Variants in SGCD observed in about 807,000 individuals in gnomAD.
The protein encoded by SGCD is delta-sarcoglycan.
Under a neutral mutation model 36.6 loss-of-function variants are expected in SGCD, and 18 were observed. The ratio of observed to expected loss-of-function variants is 0.49; its 90% confidence interval spans 0.34 to 0.73. The LOEUF (loss-of-function observed/expected upper bound fraction) is 0.73. Among genes scored for constraint, SGCD ranks in the 30% least tolerant of loss-of-function variants. The probability of loss-of-function intolerance (pLI) is 0.01; values close to 1 mark genes in which losing one functional copy is unlikely to be tolerated. For synonymous variants in SGCD, 133 were observed against 130.6 expected (o/e 1.02, Z -0.12); for missense variants, 387 against 346.7 (o/e 1.12, Z -0.92).
intron 7 of SGCD, among the ~76,000 whole-genome samples, chr5:156,653,493 C>CTTTTTTTTTTTT (rs111458843): frequency 0.039 from 1,839 of 47,746 alleles, 447 homozygotes; most frequent in East Asian, 0.13. Context: ...CTAAAGCTTG[C>CTTTTTTTTTTTT]TTTTTTTTTT....
intron 1 of SGCD, among the ~76,000 whole-genome samples, chr5:156,012,154 A>G (rs1758871978): frequency 6.6e-6 from 1 of 152,238 alleles, no homozygotes; most frequent in Admixed American, 6.5e-5. Flanking sequence ...ATGGATCTCT[A>G]AATGTCATAT....
chr5:156,639,038 TATC>T (rs71822411), intron 6 of SGCD, among the ~76,000 whole-genome samples: 4,131 of 152,022 alleles, frequency 0.027, 174 homozygotes, highest in African/African-American at 0.094. Context: ...CACTATCTTT[TATC>T]ATAATAAAAT....
At chr5:155,742,892 G>T in the SGCD span, among the ~76,000 whole-genome samples, 1 of 152,144 alleles carries the variant, frequency 6.6e-6, no homozygotes, top group Admixed American at 6.5e-5. Context: ...TGCTAAAGAG[G>T]CTCACAGAAC....
intron 3 of SGCD, among the ~76,000 whole-genome samples, chr5:156,436,096 C>T (rs183020300): frequency 5.3e-5 from 8 of 152,278 alleles, no homozygotes; most frequent in Admixed American, 2.6e-4. Flanking sequence ...CCTGTTTGTT[C>T]ACCTGTCACT....
intron 3 of SGCD, among the ~76,000 whole-genome samples, chr5:156,352,783 G>A (rs575583283): frequency 1.3e-5 from 2 of 152,260 alleles, no homozygotes; most frequent in South Asian, 4.1e-4. Flanking sequence ...TGACAGAGGA[G>A]GAAGTGGAGG....
chr5:155,797,315 A>G, the SGCD span, among the ~76,000 whole-genome samples: 2 of 152,336 alleles, frequency 1.3e-5, no homozygotes, highest in East Asian at 1.9e-4. Context: ...GGCTAGTGGA[A>G]TACTCTCTAT....
chr5:156,472,632 G>C (rs185611889), intron 3 of SGCD, among the ~76,000 whole-genome samples: 444 of 152,188 alleles, frequency 2.9e-3, no homozygotes, highest in African/African-American at 0.01. Flanking sequence ...TGACCAGGCT[G>C]GTCTCGAACT....
intron 3 of SGCD, among the ~76,000 whole-genome samples, chr5:156,479,285 G>A (rs899493703): frequency 6.6e-6 from 1 of 151,820 alleles, no homozygotes. Flanking sequence ...TAGTAGAGAC[G>A]GGGTTTCAAC....
At chr5:156,045,867 A>G (rs1463429675) in intron 1 of SGCD, among the ~76,000 whole-genome samples, 1 of 152,128 alleles carries the variant, frequency 6.6e-6, no homozygotes, top group Non-Finnish European at 1.5e-5. Flanking sequence ...CCACAGTGGG[A>G]GTTAGGGCAT....
At chr5:155,770,595 C>A in the SGCD span, among the ~76,000 whole-genome samples, 1 of 152,072 alleles carries the variant, frequency 6.6e-6, no homozygotes, top group African/African-American at 2.4e-5. Flanking sequence ...ATTCTGAGGG[C>A]AGTGGCGTGC....
At chr5:156,647,734 G>A (rs1283348242) in intron 7 of SGCD, among the ~76,000 whole-genome samples, 198 bp downstream of exon 7, 2 of 152,102 alleles carry the variant, frequency 1.3e-5, no homozygotes, top group Non-Finnish European at 2.9e-5. Flanking sequence ...TCTGGATGGG[G>A]TAAAAGGTTG....
chr5:156,357,768 T>C (rs1000401894), intron 3 of SGCD, among the ~76,000 whole-genome samples: 36 of 152,340 alleles, frequency 2.4e-4, no homozygotes, highest in South Asian at 1.0e-3. Flanking sequence ...CCTCACTGAA[T>C]GCTTGTGTAG....
At position 156,329,592 on chromosome 5, in the gene SGCD, CG is replaced by C; in HGVS notation, c.3+16del. On this transcript the variant is annotated intron_variant, in intron 2 of 8. Transcript: ENST00000337851. ...CCAGGTGGAGATGGTGAGTAATTCC[CG>C]GGAGCGAAGCTTGTTCAAGGCCCTG... The C allele has an allele frequency of 6.2e-7, 1 of 1,611,762 alleles. No homozygotes were observed. Among genetic ancestry groups the C allele is most frequent in the Non-Finnish European group, 8.5e-7 (1 of 1,178,480 alleles).
intron 1 of SGCD, among the ~76,000 whole-genome samples, chr5:155,923,326 G>A (rs983083453): frequency 8.5e-5 from 13 of 152,172 alleles, no homozygotes; most frequent in African/African-American, 2.9e-4. Flanking sequence ...TTATCGAAAA[G>A]GTTTAGAGAC....
At chr5:156,753,737 C>T (rs1467426238) in intron 7 of SGCD, among the ~76,000 whole-genome samples, 1 of 152,140 alleles carries the variant, frequency 6.6e-6, no homozygotes, top group Non-Finnish European at 1.5e-5. Context: ...TCTTATAAAA[C>T]CATCAGATCT....
At chr5:156,255,958 A>G (rs1765705840) in intron 3 of SGCD, among the ~76,000 whole-genome samples, 1 of 152,142 alleles carries the variant, frequency 6.6e-6, no homozygotes, top group Non-Finnish European at 1.5e-5. Flanking sequence ...TTTGTTGATA[A>G]GTATTTTTTG....
intron 3 of SGCD, among the ~76,000 whole-genome samples, chr5:156,186,318 G>C (rs919515379): frequency 7.2e-5 from 11 of 152,084 alleles, no homozygotes; most frequent in Admixed American, 5.9e-4. Context: ...AGATGGACTG[G>C]TTGTAATCTA....
intron 3 of SGCD, among the ~76,000 whole-genome samples, chr5:156,124,846 C>T (rs1581113896): frequency 6.6e-6 from 1 of 151,774 alleles, no homozygotes; most frequent in Non-Finnish European, 1.5e-5. Flanking sequence ...GTGCTATGAG[C>T]TTTGAAAAAA....
chr5:156,254,799 A>G (rs1765673799), intron 3 of SGCD, among the ~76,000 whole-genome samples: 1 of 152,188 alleles, frequency 6.6e-6, no homozygotes, highest in African/African-American at 2.4e-5. Flanking sequence ...GTGAGCTATG[A>G]TTACGTCACT....
Sources: gnomAD v4.1 joint callset for allele counts (sites outside exome capture counted in the v4.1 genomes callset) on GRCh38, gnomAD v4.1.1 for gene constraint, MANE v1.5 for transcripts, NCBI Gene and HGNC (gene_info 2026-07-23, HGNC 2026-07-21) for gene names.